HSPA9: variants seen among roughly 807,000 people sequenced by gnomAD.
HSPA9 encodes heat shock protein family A (Hsp70) member 9.
In HSPA9, 28 loss-of-function variants were observed where a neutral mutation model predicts 81.5. The ratio of observed to expected loss-of-function variants is 0.34; its 90% confidence interval spans 0.25 to 0.47. The LOEUF (loss-of-function observed/expected upper bound fraction) is 0.47. Among genes scored for constraint, HSPA9 ranks in the 20% least tolerant of loss-of-function variants. HSPA9 has a pLI of 1.00. For synonymous variants in HSPA9, 293 were observed against 290.4 expected, an observed-to-expected ratio of 1.01 and a Z score of -0.09; for missense variants, 678 against 838.0, an observed-to-expected ratio of 0.81 and a Z score of 2.36.
At chr5:138,561,522 C>T (rs1750661024) in intron 10 of HSPA9, 58 bp downstream of exon 10, 3 of 1,441,240 alleles carry the variant, frequency 2.1e-6, no homozygotes, top group Non-Finnish European at 2.9e-6. Context: ...CCACCTGTCC[C>T]AAGAATACAC....
chr5:138,561,824 C>G, intron 9 of HSPA9, 35 bp from the exon 10 acceptor site: 2 of 1,491,736 alleles, frequency 1.3e-6, no homozygotes, highest in Non-Finnish European at 9.4e-7. Context: ...TGTCAGCGAG[C>G]AGGCCAAATG....
At chr5:138,558,463 C>G in intron 12 of HSPA9, 90 bp downstream of exon 12, 2 of 887,206 alleles carry the variant, frequency 2.3e-6, no homozygotes, top group Non-Finnish European at 3.8e-6. Flanking sequence ...ATGTGTATGC[C>G]AGCAGTTTAT....
chr5:138,562,306 T>C (rs1472330628), intron 9 of HSPA9, among the ~76,000 whole-genome samples: 2 of 148,014 alleles, frequency 1.4e-5, no homozygotes, highest in South Asian at 2.2e-4. Context: ...TCCCAGCACT[T>C]TGGGAGGGCG....
chr5:138,554,061 C>T lies in HSPA9; in HGVS notation c.*1976G>A, dbSNP rs1450061077. ...CGGTTCCATAATTGTGAGCCAGTTT[C>T]TTTCTTACAGTAAATCTTATTCTAG... On this transcript the variant is annotated 3_prime_UTR_variant, in exon 17 of 17. Coordinates refer to ENST00000297185, the MANE Select transcript of HSPA9 (RefSeq NM_004134.7). Among the ~76,000 whole-genome samples, 1 of 152,200 alleles carries T rather than the reference C, an allele frequency of 6.6e-6. No homozygotes were observed. The highest frequency in any genetic ancestry group is 1.5e-5 in the Non-Finnish European group (1 of 68,034).
In HSPA9 at chr5:138,575,334, G is replaced by C. The variant is rs770432313; in HGVS notation, c.-16C>G. On this transcript the variant is annotated 5_prime_UTR_variant, in exon 1 of 17. Transcript: ENST00000297185. ...CACTTATCATGGCGGATAAATGGAG[G>C]AGTACGAGGCAGCAAACAAGCGCTC... 1 of 1,606,302 alleles carries C rather than the reference G, an allele frequency of 6.2e-7. No homozygotes were observed. Among genetic ancestry groups the C allele is most frequent in the Non-Finnish European group, 8.5e-7 (1 of 1,174,648 alleles).
intron 10 of HSPA9, 71 bp from the exon 11 acceptor site, chr5:138,560,162 G>T: frequency 9.6e-7 from 1 of 1,043,880 alleles, no homozygotes; most frequent in Non-Finnish European, 1.5e-6. Flanking sequence ...AAGGGAGCAC[G>T]TGTCCTACGC....
chr5:138,560,618 T>C (rs571400763), intron 10 of HSPA9, among the ~76,000 whole-genome samples: 3 of 151,186 alleles, frequency 2.0e-5, no homozygotes, highest in Admixed American at 6.6e-5. Context: ...TGGAGTGCGG[T>C]GGCGCAATCT....
In HSPA9 at chr5:138,567,525, C is replaced by T. The variant is rs749137620; in HGVS notation, c.646G>A (p.Val216Met). The T allele has an allele frequency of 1.1e-5, 17 of 1,614,178 alleles. No individual in the cohort carries two copies. Among genetic ancestry groups the T allele is most frequent in the South Asian group, 9.9e-5 (9 of 91,082 alleles). Residue 216 changes from valine to methionine, a missense_variant, in exon 7 of 17, where the codon GTG becomes ATG. By Grantham distance (21) the Val-to-Met change is conservative. Coordinates refer to ENST00000297185, the MANE Select transcript of HSPA9 (RefSeq NM_004134.7). ...KDAGQISGLN[V>M]LRVINEPTAA... ...GTGGGCTCATTAATCACCCGAAGCA[C>T]ATTCAGTCCAGATATCTGGCCAGCA... is the stretch of plus-strand genomic sequence containing the variant.
chr5:138,574,887 A>G, intron 1 of HSPA9: 1 of 371,280 alleles, frequency 2.7e-6, no homozygotes, highest in Non-Finnish European at 4.9e-6. Flanking sequence ...TCTGTAGAGG[A>G]GCCAAAAATA....
At chr5:138,563,145 A>G (rs1374021332) in intron 9 of HSPA9, among the ~76,000 whole-genome samples, 2 of 152,228 alleles carry the variant, frequency 1.3e-5, no homozygotes, top group Non-Finnish European at 2.9e-5. Flanking sequence ...TGATTAACCA[A>G]ATCAGAACAC....
At chr5:138,574,985 G>A (rs984117544) in intron 1 of HSPA9, 17 of 585,962 alleles carry the variant, frequency 2.9e-5, no homozygotes, top group Non-Finnish European at 4.3e-5. Flanking sequence ...AGGCCATGAG[G>A]ACCACTACCT....
In HSPA9 at chr5:138,556,829, A is replaced by G. The variant is rs377603964; in HGVS notation, c.1766T>C (p.Ile589Thr). The change falls in exon 15 of 17, where the codon ATT becomes ACT. Residue 589 changes from isoleucine to threonine, a missense_variant. Coordinates refer to ENST00000297185, the MANE Select transcript of HSPA9 (RefSeq NM_004134.7). ...TTCCATCTTGGTTTCTGTGTCGTGA[A>G]TGATTCCTTCAGCCATATTAACTGC... ...VEAVNMAEGI[I>T]HDTETKMEEF... 23 of 1,613,852 alleles carry G rather than the reference A, an allele frequency of 1.4e-5. No individual in the cohort carries two copies. The highest frequency in any genetic ancestry group is 2.5e-6 in the Non-Finnish European group (3 of 1,179,836).
At chr5:138,559,102 A>ATTTT (rs34616432) in intron 11 of HSPA9, 2 of 177,072 alleles carry the variant, frequency 1.1e-5, no homozygotes, top group South Asian at 1.0e-4. Flanking sequence ...TCAGGAAATA[A>ATTTT]TTTTTTTTTT....
intron 12 of HSPA9, 130 bp from the exon 13 acceptor site, chr5:138,558,116 AAC>A: frequency 1.4e-6 from 1 of 734,568 alleles, no homozygotes; most frequent in South Asian, 1.5e-5. Flanking sequence ...TAATGTACAA[AAC>A]ACAAAGTTTA....
intron 7 of HSPA9, 66 bp from the exon 8 acceptor site, chr5:138,567,229 T>G: frequency 1.5e-6 from 2 of 1,345,076 alleles, no homozygotes; most frequent in Admixed American, 2.0e-5. Context: ...CACCAGGATA[T>G]AAATTTCAAT....
Position 138,557,507 on chromosome 5 carries a change from C to T in HSPA9, c.1634-11G>A. On this transcript the variant is annotated splice_polypyrimidine_tract_variant and intron_variant, in intron 13 of 16. Coordinates refer to ENST00000297185, the MANE Select transcript of HSPA9 (RefSeq NM_004134.7). ...AAGACTGGATTACAACTGTAGTAAACAGAAGGCATTTCATTAATTCCCAGG... is the reference window on the plus strand; with the variant it reads ...AAGACTGGATTACAACTGTAGTAAATAGAAGGCATTTCATTAATTCCCAGG... The T allele has an allele frequency of 6.6e-7, 1 of 1,511,890 alleles. No individual in the cohort carries two copies. Among genetic ancestry groups the T allele is most frequent in the African/African-American group, 1.4e-5 (1 of 73,166 alleles). 93.7% of individuals were successfully genotyped at this position (1,511,890 alleles called of 1,614,324 possible). A position where few individuals can be genotyped will look rare whatever the true frequency, so the allele number is the denominator to read the frequency against.
chr5:138,570,311 T>C (rs183193863), intron 4 of HSPA9, among the ~76,000 whole-genome samples: 6 of 152,202 alleles, frequency 3.9e-5, no homozygotes, highest in Non-Finnish European at 7.4e-5. Context: ...CCGTTTCTAT[T>C]GGGAGGGGGG....
At chr5:138,560,564 C>CTTT (rs34922898) in intron 10 of HSPA9, among the ~76,000 whole-genome samples, 3 of 135,064 alleles carry the variant, frequency 2.2e-5, no homozygotes, top group Non-Finnish European at 3.2e-5. Context: ...TTTTCTTCTT[C>CTTT]TTTTTTTTTT....
chr5:138,553,952 C>T lies in HSPA9; in HGVS notation c.*2085G>A, dbSNP rs1397106557. Among the ~76,000 whole-genome samples, 8 of 152,208 alleles carry T rather than the reference C, an allele frequency of 5.3e-5. No individual in the cohort carries two copies. Among genetic ancestry groups the T allele is most frequent in the Admixed American group, 5.2e-4 (8 of 15,278 alleles). Reference sequence around the variant, plus strand: ...AGCTAAGACATCCATATTCTTCTAACCTCGGACTAGGACACCACTGTGTTC... The same window carrying T: ...AGCTAAGACATCCATATTCTTCTAATCTCGGACTAGGACACCACTGTGTTC... On this transcript the variant is annotated 3_prime_UTR_variant, in exon 17 of 17. Coordinates refer to ENST00000297185, the MANE Select transcript of HSPA9 (RefSeq NM_004134.7).
Sources: allele counts gnomAD v4.1 joint callset (sites outside exome capture counted in the v4.1 genomes callset), GRCh38; gene constraint gnomAD v4.1.1; transcripts MANE v1.5; gene names NCBI Gene and HGNC (gene_info 2026-07-23, HGNC 2026-07-21).